NAV2: variants seen among roughly 807,000 people sequenced by gnomAD.
NAV2 encodes helicase, APC down-regulated 1.
A neutral mutation model predicts 223.2 loss-of-function variants in NAV2; 54 were observed. That is an observed-to-expected ratio of 0.24 (90% CI 0.19 to 0.30). The LOEUF is 0.30. Ranked by LOEUF, NAV2 falls within the 10% of genes least tolerant of loss-of-function variation. The pLI is 1.00. For missense variants in NAV2, 2,806 were observed against 3,147.5 expected (o/e 0.89, Z 2.60); for synonymous variants, 1,279 against 1,239.3 (o/e 1.03, Z -0.67).
chr11:19,899,481 C>T (rs1220922294), intron 6 of NAV2, among the ~76,000 whole-genome samples: 1 of 152,106 alleles, frequency 6.6e-6, no homozygotes, highest in African/African-American at 2.4e-5. Flanking sequence ...GACAAAAGTA[C>T]AGTTGGGGTG....
intron 19 of NAV2, 56 bp from the exon 20 acceptor site, chr11:20,062,251 C>A: frequency 7.4e-7 from 1 of 1,354,018 alleles, no homozygotes; most frequent in Non-Finnish European, 1.0e-6. Flanking sequence ...CCCCTGTCCC[C>A]TTTTTGGTTC....
intron 36 of NAV2, among the ~76,000 whole-genome samples, chr11:20,109,794 G>A (rs2062469935): frequency 6.6e-6 from 1 of 152,226 alleles, no homozygotes; most frequent in Admixed American, 6.5e-5. Flanking sequence ...GTGAACCTCA[G>A]AGTCACTGGG....
intron 1 of NAV2, among the ~76,000 whole-genome samples, chr11:19,726,651 A>C (rs1223804727): frequency 6.6e-6 from 1 of 151,826 alleles, no homozygotes; most frequent in East Asian, 1.9e-4. Context: ...TTTCTTTTTT[A>C]TTTTTCTTTT....
chr11:19,860,632 G>A (rs879636767), intron 3 of NAV2, among the ~76,000 whole-genome samples: 1,979 of 150,470 alleles, frequency 0.013, 1 homozygote, highest in South Asian at 0.035. Flanking sequence ...ACGGGGTGGC[G>A]GCCGGGCAGA....
Position 19,984,115 on chromosome 11 carries a change from C to T in NAV2, c.2646-10C>T. 6.2e-7 allele frequency: 1 copy of T among 1,614,100 alleles called. No individual in the cohort carries two copies. Among genetic ancestry groups the T allele is most frequent in the African/African-American group, 1.3e-5 (1 of 75,032 alleles). Reference sequence around the variant, plus strand: ...ACATTCATGTGCATCATCTTCTTCTCCTTTTAAAGATACATGACTGATGGT... The same window carrying T: ...ACATTCATGTGCATCATCTTCTTCTTCTTTTAAAGATACATGACTGATGGT... On this transcript the variant is annotated splice_polypyrimidine_tract_variant and intron_variant, in intron 10 of 37. Coordinates refer to ENST00000349880, the MANE Select transcript of NAV2 (RefSeq NM_145117.5).
intron 1 of NAV2, among the ~76,000 whole-genome samples, chr11:19,679,417 C>T (rs555843016): frequency 9.7e-5 from 2 of 20,532 alleles, no homozygotes; most frequent in South Asian, 5.6e-3. Context: ...GGCAACAGAA[C>T]GAGACTCTGT....
At chr11:19,944,722 T>G (rs1001028899) in intron 8 of NAV2, among the ~76,000 whole-genome samples, 1 of 150,330 alleles carries the variant, frequency 6.7e-6, no homozygotes, top group African/African-American at 2.5e-5. Context: ...CCTTCCTTCC[T>G]TCCTTCCTTT....
chr11:19,468,657 A>G lies in NAV2; in HGVS notation c.75+117630A>G, dbSNP rs75437737. On this transcript the variant is annotated intron_variant, in intron 1 of 37. Coordinates refer to the NAV2 transcript ENST00000360655. The stretch of plus-strand genomic sequence containing the variant: ...TCACTTTCTGGGGATTAGGACTTCA[A>G]TATATCTTTTGGGATAACAAAATTC... Among the ~76,000 whole-genome samples, 952 of 152,308 alleles carry G rather than the reference A, an allele frequency of 6.3e-3. 10 individuals are homozygous for G. Among genetic ancestry groups the G allele is most frequent in the African/African-American group, 0.021 (892 of 41,564 alleles).
chr11:19,981,770 C>G (rs531049733), intron 10 of NAV2, among the ~76,000 whole-genome samples: 1 of 152,212 alleles, frequency 6.6e-6, no homozygotes, highest in Non-Finnish European at 1.5e-5. Flanking sequence ...GGATGGATGC[C>G]CATAACCCAT....
chr11:19,971,878 T>C (rs2153429493), intron 10 of NAV2, among the ~76,000 whole-genome samples: 1 of 152,314 alleles, frequency 6.6e-6, no homozygotes, highest in South Asian at 2.1e-4. Flanking sequence ...AATTTTTGTA[T>C]TTTTAGTAGA....
At chr11:19,637,513 G>C (rs2047539057) in intron 1 of NAV2, among the ~76,000 whole-genome samples, 1 of 152,234 alleles carries the variant, frequency 6.6e-6, no homozygotes. Context: ...AATAACTGAG[G>C]CTGGCTAATT....
chr11:19,615,034 CAG>C (rs1376330331), intron 1 of NAV2, among the ~76,000 whole-genome samples: 1 of 152,112 alleles, frequency 6.6e-6, no homozygotes, highest in Admixed American at 6.6e-5. Flanking sequence ...ATGGAGTCAA[CAG>C]ATGGCTGCCT....
At chr11:19,484,156 A>ACACACC (rs1214473202) in intron 1 of NAV2, among the ~76,000 whole-genome samples, 2 of 151,344 alleles carry the variant, frequency 1.3e-5, no homozygotes, top group Non-Finnish European at 2.9e-5. Flanking sequence ...ACACACACAC[A>ACACACC]CACCCCAAGT....
chr11:19,997,484 A>G (rs559636312), intron 11 of NAV2, among the ~76,000 whole-genome samples: 1 of 152,302 alleles, frequency 6.6e-6, no homozygotes, highest in South Asian at 2.1e-4. Context: ...TCTGAATTTC[A>G]TCATCAAAAA....
intron 1 of NAV2, chr11:19,511,640 G>C (rs1179617498): frequency 6.6e-6 from 1 of 152,204 alleles, no homozygotes; most frequent in Admixed American, 6.5e-5. Context: ...GGAAGCAGAC[G>C]CTGTTTACTT....
chr11:19,542,866 C>T (rs2044377535), intron 1 of NAV2, among the ~76,000 whole-genome samples: 1 of 152,186 alleles, frequency 6.6e-6, no homozygotes, highest in South Asian at 2.1e-4. Context: ...CTTGCTCTCC[C>T]CTTCACCTGA....
At chr11:19,898,331 A>G (rs2042168446) in intron 6 of NAV2, among the ~76,000 whole-genome samples, 1 of 152,196 alleles carries the variant, frequency 6.6e-6, no homozygotes. Flanking sequence ...ACTGTTTATC[A>G]CTTTGTTTAT....
intron 1 of NAV2, among the ~76,000 whole-genome samples, chr11:19,610,642 C>T (rs191005869): frequency 2.0e-3 from 300 of 152,316 alleles, no homozygotes; most frequent in Non-Finnish European, 3.4e-3. Flanking sequence ...CAATCAGCTT[C>T]AGAGCAGCAG....
At chr11:19,580,294 G>A (rs755959485) in intron 1 of NAV2, among the ~76,000 whole-genome samples, 1 of 152,006 alleles carries the variant, frequency 6.6e-6, no homozygotes, top group Non-Finnish European at 1.5e-5. Context: ...AAAGAACATG[G>A]TGCTTGGGAA....
Sources: allele counts gnomAD v4.1 joint callset (sites outside exome capture counted in the v4.1 genomes callset), GRCh38; gene constraint gnomAD v4.1.1; transcripts MANE v1.5; gene names NCBI Gene and HGNC (gene_info 2026-07-23, HGNC 2026-07-21).